Variants in PDE4D observed in about 807,000 individuals in gnomAD.
PDE4D encodes phosphodiesterase 4D.
Under a neutral mutation model 87.4 loss-of-function variants are expected in PDE4D, and 24 were observed. That is an observed-to-expected ratio of 0.27 (90% CI 0.20 to 0.39). The LOEUF is 0.39. PDE4D is among the 10% of genes least tolerant of loss of function. The probability of loss-of-function intolerance (pLI) is 1.00; values close to 1 mark genes in which losing one functional copy is unlikely to be tolerated. For missense variants in PDE4D, 714 were observed against 1,041.0 expected (o/e 0.69, Z 4.32); for synonymous variants, 384 against 383.2 (o/e 1.00, Z -0.02).
At chr5:60,250,441 C>A (rs1372458448) in intron 1 of PDE4D, among the ~76,000 whole-genome samples, 2 of 151,912 alleles carry the variant, frequency 1.3e-5, no homozygotes, top group Admixed American at 6.6e-5. Context: ...CCTAAGCCTT[C>A]TCTATCTGAT....
intron 1 of PDE4D, among the ~76,000 whole-genome samples, chr5:59,488,755 T>A (rs1805634052): frequency 6.6e-6 from 1 of 151,972 alleles, no homozygotes. Context: ...AGGAGACTTG[T>A]ATGCATCTAA....
intron 2 of PDE4D, among the ~76,000 whole-genome samples, chr5:60,015,390 C>T (rs1360673907): frequency 6.6e-6 from 1 of 152,166 alleles, no homozygotes; most frequent in East Asian, 1.9e-4. Flanking sequence ...ATGAGCTAGA[C>T]CTGTGACTTT....
chr5:59,213,166 TTTC>T (rs1750455191), intron 2 of PDE4D, among the ~76,000 whole-genome samples: 4 of 134,886 alleles, frequency 3.0e-5, no homozygotes, highest in Admixed American at 1.4e-4. Context: ...TTCTTCTTTT[TTTC>T]TTTTTTTCCA....
In PDE4D at chr5:59,748,753, T is replaced by C. The variant is rs184854310; in HGVS notation, c.455+144415A>G. The stretch of plus-strand genomic sequence containing the variant: ...CACCAACATGGCACATGTATACATA[T>C]GTAACAAACCTGCACGCTGTGCACA... On this transcript the variant is annotated intron_variant, in intron 1 of 14. Transcript: ENST00000340635. Among the ~76,000 whole-genome samples, 34 of 152,172 alleles carry C rather than the reference T, an allele frequency of 2.2e-4. No individual in the cohort carries two copies. In the East Asian group the frequency reaches 5.0e-3, roughly 23 times the overall value.
intron 5 of PDE4D, chr5:59,164,830 C>T (rs1180190508): frequency 6.6e-6 from 1 of 152,128 alleles, no homozygotes; most frequent in African/African-American, 2.4e-5. Context: ...GCAGAGGGCA[C>T]AGATAATCTG....
intron 1 of PDE4D, among the ~76,000 whole-genome samples, chr5:59,424,808 A>G (rs765421523): frequency 6.6e-6 from 1 of 152,174 alleles, no homozygotes; most frequent in East Asian, 1.9e-4. Context: ...GTTATGATGA[A>G]AACACACAAG....
chr5:59,055,931 G>A (rs1561400580), intron 5 of PDE4D, among the ~76,000 whole-genome samples: 1 of 152,192 alleles, frequency 6.6e-6, no homozygotes, highest in South Asian at 2.1e-4. Flanking sequence ...TAGTTCAGAA[G>A]AATTCTGGCC....
intron 3 of PDE4D, among the ~76,000 whole-genome samples, chr5:59,922,704 G>A (rs1754806052): frequency 1.3e-5 from 2 of 152,142 alleles, no homozygotes; most frequent in South Asian, 2.1e-4. Context: ...AGCAGCAATA[G>A]CCAGGTGGTA....
chr5:59,139,283 A>G (rs1011130578), intron 5 of PDE4D, among the ~76,000 whole-genome samples: 1 of 152,202 alleles, frequency 6.6e-6, no homozygotes, highest in Non-Finnish European at 1.5e-5. Context: ...TAACTTCCTG[A>G]CAATGTTTGT....
intron 3 of PDE4D, among the ~76,000 whole-genome samples, chr5:59,957,217 AT>A (rs1038495144): frequency 1.8e-4 from 28 of 151,762 alleles, no homozygotes; most frequent in Middle Eastern, 6.8e-3. Context: ...AATTATTATT[AT>A]TTTTTTTGGT....
At chr5:59,805,269 T>G (rs545542614) in intron 1 of PDE4D, among the ~76,000 whole-genome samples, 1 of 152,332 alleles carries the variant, frequency 6.6e-6, no homozygotes, top group East Asian at 1.9e-4. Flanking sequence ...CTAGCTTCAC[T>G]AATCTTGTAA....
chr5:60,165,797 G>C (rs978644278), intron 2 of PDE4D, among the ~76,000 whole-genome samples: 1 of 150,718 alleles, frequency 6.6e-6, no homozygotes, highest in Non-Finnish European at 1.5e-5. Context: ...GGTCCCTTGA[G>C]GGCAGAATAT....
intron 1 of PDE4D, among the ~76,000 whole-genome samples, chr5:59,510,627 T>TA (rs1406488756): frequency 6.6e-6 from 1 of 151,314 alleles, no homozygotes; most frequent in Non-Finnish European, 1.5e-5. Context: ...CAGACATAGA[T>TA]AAAAAATAGT....
chr5:59,156,438 G>A (rs766919220), intron 5 of PDE4D, among the ~76,000 whole-genome samples: 7 of 150,862 alleles, frequency 4.6e-5, no homozygotes, highest in Non-Finnish European at 8.8e-5. Flanking sequence ...GAAGCATTAT[G>A]TGGGATTTCT....
At chr5:60,018,806 T>C (rs573793050) in intron 2 of PDE4D, among the ~76,000 whole-genome samples, 1 of 152,300 alleles carries the variant, frequency 6.6e-6, no homozygotes, top group Admixed American at 6.5e-5. Context: ...TAAATATATA[T>C]GCACCCAATA....
chr5:60,150,636 T>G (rs1299771339), intron 2 of PDE4D, among the ~76,000 whole-genome samples: 1 of 152,182 alleles, frequency 6.6e-6, no homozygotes, highest in African/African-American at 2.4e-5. Flanking sequence ...CTGTGTCCTC[T>G]GTCATTATAA....
intron 1 of PDE4D, among the ~76,000 whole-genome samples, chr5:60,384,819 A>G (rs901328315): frequency 3.9e-5 from 6 of 152,132 alleles, no homozygotes; most frequent in African/African-American, 9.7e-5. Context: ...CTCTTCCCCA[A>G]TGCCTACACT....
At chr5:59,674,220 T>C (rs902605964) in intron 1 of PDE4D, among the ~76,000 whole-genome samples, 2 of 152,178 alleles carry the variant, frequency 1.3e-5, no homozygotes, top group Non-Finnish European at 2.9e-5. Context: ...GATAATATTG[T>C]ACAGATATCA....
At chr5:59,774,908 T>C (rs1197884140) in intron 1 of PDE4D, among the ~76,000 whole-genome samples, 1 of 152,102 alleles carries the variant, frequency 6.6e-6, no homozygotes, top group African/African-American at 2.4e-5. Context: ...TTGGTCAGAC[T>C]TGTCTCAAAC....
Sources: gnomAD v4.1 joint callset for allele counts (sites outside exome capture counted in the v4.1 genomes callset) on GRCh38, gnomAD v4.1.1 for gene constraint, MANE v1.5 for transcripts, NCBI Gene and HGNC (gene_info 2026-07-23, HGNC 2026-07-21) for gene names.